Variants in C9orf85 observed in about 807,000 individuals in gnomAD.
The protein encoded by C9orf85 is chromosome 9 open reading frame 85.
C9orf85 carries 16 observed loss-of-function variants against 14.9 expected under a neutral mutation model. The observed-to-expected ratio is 1.08, with a 90% CI of 0.73 to 1.63. C9orf85 has a LOEUF of 1.63. Among genes scored for constraint, C9orf85 ranks in the 40% most tolerant of loss-of-function variants. The pLI is 0.00. For synonymous variants in C9orf85, 45 were observed against 56.8 expected (o/e 0.79, Z 0.93); for missense variants, 172 against 186.1 (o/e 0.92, Z 0.44).
chr9:71,930,306 T>C (rs1251469900), intron 1 of C9orf85, among the ~76,000 whole-genome samples: 1 of 152,104 alleles, frequency 6.6e-6, no homozygotes, highest in Non-Finnish European at 1.5e-5. Flanking sequence ...ATAAGGATAC[T>C]AGAAGATCTG....
chr9:71,933,638 G>A (rs35606097), intron 1 of C9orf85, among the ~76,000 whole-genome samples: 17,097 of 152,130 alleles, frequency 0.11, 1,101 homozygotes, highest in Middle Eastern at 0.14. Flanking sequence ...CATGGCCAAG[G>A]AAGTTATATT....
intron 1 of C9orf85, among the ~76,000 whole-genome samples, chr9:71,930,803 CAAAAAAAA>C (rs747596247): frequency 8.2e-5 from 5 of 61,022 alleles, no homozygotes; most frequent in Admixed American, 1.8e-4. Flanking sequence ...GACCCTGTCT[CAAAAAAAA>C]AAAAAAAAAA....
At chr9:71,942,608 A>C (rs546678323) in intron 1 of C9orf85, among the ~76,000 whole-genome samples, 1 of 152,046 alleles carries the variant, frequency 6.6e-6, no homozygotes, top group Non-Finnish European at 1.5e-5. Flanking sequence ...ATGATTTGAA[A>C]CTCACAGGCT....
In C9orf85 at chr9:71,947,023, TC is replaced by T; in HGVS notation, c.121del (p.His41MetfsTer16). 1 of 1,612,338 alleles carries T rather than the reference TC, an allele frequency of 6.2e-7. No individual in the cohort carries two copies. Among genetic ancestry groups the T allele is most frequent in the Non-Finnish European group, 8.5e-7 (1 of 1,179,098 alleles). The part of the protein sequence containing the change: ...VQTKKINAKL[H>X]DGVCQRCKEV... The stretch of plus-strand genomic sequence containing the variant: ...TTTTTAAGAAAATTAATGCAAAACT[TC>T]ATGATGGAGTATGTCAGCGCTGTAA... On this transcript the variant is annotated frameshift_variant, in exon 2 of 4. Transcript: ENST00000334731. LOFTEE classifies it high-confidence loss of function.
At chr9:71,983,531 G>T (rs539019523), downstream of C9orf85, 1 of 152,158 alleles carries the variant, frequency 6.6e-6, no homozygotes, top group African/African-American at 2.4e-5. Context: ...GAAACTAACG[G>T]TGTGGATAAT....
At chr9:71,946,836 A>G (rs1339363379) in intron 1 of C9orf85, among the ~76,000 whole-genome samples, 170 bp from the exon 2 acceptor site, 1 of 152,142 alleles carries the variant, frequency 6.6e-6, no homozygotes, top group Non-Finnish European at 1.5e-5. Context: ...TTTGTAAGAA[A>G]AAATAACAAA....
Position 71,972,845 on chromosome 9 carries a change from T to C in C9orf85, c.*3T>C. ...GAGGAGACCATCAAATGAATTAATA[T>C]CACTGTATTAAAAGTCTGCCGGGCA... is the stretch of plus-strand genomic sequence containing the variant. On this transcript the variant is annotated 3_prime_UTR_variant, in exon 4 of 4. Coordinates refer to ENST00000334731, the MANE Select transcript of C9orf85 (RefSeq NM_182505.5). 2 of 1,602,498 alleles carry C rather than the reference T, an allele frequency of 1.2e-6. No homozygotes were observed. The highest frequency in any genetic ancestry group is 1.7e-6 in the Non-Finnish European group (2 of 1,174,714).
chr9:71,946,866 A>G (rs1822102953), intron 1 of C9orf85, 140 bp from the exon 2 acceptor site: 1 of 521,726 alleles, frequency 1.9e-6, no homozygotes, highest in Admixed American at 3.5e-5. Flanking sequence ...ATACATAAAA[A>G]TACATAATAT....
chr9:71,981,016 T>G lies in C9orf85; in HGVS notation c.324-1641T>G, dbSNP rs188093322. 8.5e-5 allele frequency among the ~76,000 whole-genome samples: 13 copies of G among 152,340 alleles called. No individual in the cohort carries two copies. The East Asian group carries it at 2.5e-3, about 29-fold the overall frequency. ...CCTCAACTGGTAATGCTGGAAATGC[T>G]TAATGATGCTATACTACTGTCCGTA... On this transcript the variant is annotated intron_variant, in intron 3 of 3. Transcript: ENST00000377031.
intron 1 of C9orf85, among the ~76,000 whole-genome samples, chr9:71,939,185 TAATA>T (rs1828270705): frequency 6.6e-6 from 1 of 151,814 alleles, no homozygotes; most frequent in Non-Finnish European, 1.5e-5. Context: ...CAGTAAAAAA[TAATA>T]TATATATACA....
chr9:71,931,765 C>T (rs1367206301), intron 1 of C9orf85, among the ~76,000 whole-genome samples: 5 of 152,120 alleles, frequency 3.3e-5, no homozygotes, highest in African/African-American at 1.2e-4. Context: ...CACTTGTCAG[C>T]GATTTATTAT....
chr9:71,965,079 G>C (rs753905211), intron 2 of C9orf85, among the ~76,000 whole-genome samples: 7 of 152,130 alleles, frequency 4.6e-5, no homozygotes, highest in Non-Finnish European at 1.0e-4. Flanking sequence ...AGCTCAGCTC[G>C]AGCAGTAACA....
At position 71,970,363 on chromosome 9, in the gene C9orf85, C is replaced by G. The variant is rs940323548; in HGVS notation, c.210-1142C>G. On this transcript the variant is annotated intron_variant, in intron 2 of 3. Coordinates refer to ENST00000334731, the MANE Select transcript of C9orf85 (RefSeq NM_182505.5). Reference sequence around the variant, plus strand: ...ATGTATTGCTCTTGTATAGAGTGTTCTAAAATTGTCATTTTGGCTGATAAC... The same window carrying G: ...ATGTATTGCTCTTGTATAGAGTGTTGTAAAATTGTCATTTTGGCTGATAAC... Among the ~76,000 whole-genome samples the G allele has an allele frequency of 5.9e-5, 9 of 152,174 alleles. No individual in the cohort carries two copies. The South Asian group carries it at 8.3e-4, about 14-fold the overall frequency.
intron 1 of C9orf85, among the ~76,000 whole-genome samples, chr9:71,922,344 C>A (rs956106448): frequency 2.0e-5 from 3 of 152,134 alleles, no homozygotes; most frequent in African/African-American, 7.2e-5. Flanking sequence ...TTTCAATGCT[C>A]CCTCCCCTAA....
intron 3 of C9orf85, among the ~76,000 whole-genome samples, chr9:71,980,166 A>T (rs1823072263): frequency 6.6e-6 from 1 of 152,020 alleles, no homozygotes; most frequent in East Asian, 1.9e-4. Context: ...GGTGCGCGCC[A>T]CCATGCCCGG....
chr9:71,966,304 A>AT (rs896822381), intron 2 of C9orf85, among the ~76,000 whole-genome samples: 1 of 152,098 alleles, frequency 6.6e-6, no homozygotes, highest in African/African-American at 2.4e-5. Flanking sequence ...TTTAAATGTA[A>AT]TTCAGCTGAA....
rs901466191 is a variant in C9orf85 at position 71,941,111 on chromosome 9, A to G, written c.103-5895A>G. On this transcript the variant is annotated intron_variant, in intron 1 of 3. Transcript: ENST00000334731. ...AAAATGGGTGAATTTTTTGATATGTATGTACTTCTCAAAACTGATTTAAGC... is the reference window on the plus strand; with the variant it reads ...AAAATGGGTGAATTTTTTGATATGTGTGTACTTCTCAAAACTGATTTAAGC... 3.3e-5 allele frequency among the ~76,000 whole-genome samples: 5 copies of G among 152,212 alleles called. No individual in the cohort carries two copies. The East Asian group carries it at 7.7e-4, about 23-fold the overall frequency.
At chr9:71,919,681 C>T (rs1022457991) in intron 1 of C9orf85, among the ~76,000 whole-genome samples, 2 of 151,838 alleles carry the variant, frequency 1.3e-5, no homozygotes, top group Admixed American at 6.6e-5. Flanking sequence ...TTTACTTTTC[C>T]TTTGTGCCCT....
At chr9:71,929,568 CTT>C (rs375273232) in intron 1 of C9orf85, among the ~76,000 whole-genome samples, 244 of 152,284 alleles carry the variant, frequency 1.6e-3, no homozygotes, top group African/African-American at 5.5e-3. Context: ...ATCCTCCTCT[CTT>C]AGAACATTGC....
Sources: gnomAD v4.1 joint callset for allele counts (sites outside exome capture counted in the v4.1 genomes callset) on GRCh38, gnomAD v4.1.1 for gene constraint, MANE v1.5 for transcripts, NCBI Gene and HGNC (gene_info 2026-07-23, HGNC 2026-07-21) for gene names.